Variants in ZFAT observed in about 807,000 individuals in gnomAD.
The protein encoded by ZFAT is zinc finger and AT-hook domain containing.
Under a neutral mutation model 117.7 loss-of-function variants are expected in ZFAT, and 64 were observed. The observed-to-expected ratio is 0.54, with a 90% CI of 0.44 to 0.67. The LOEUF is 0.67. ZFAT is among the 30% of genes least tolerant of loss of function. ZFAT has a pLI of 0.00. For synonymous variants in ZFAT, 679 were observed against 615.0 expected, an observed-to-expected ratio of 1.10 and a Z score of -1.54; for missense variants, 1,433 against 1,584.5, an observed-to-expected ratio of 0.90 and a Z score of 1.62.
At position 134,653,270 on chromosome 8, in the gene ZFAT, T is replaced by TTAA. The variant is rs1554615159; in HGVS notation, c.196+4290_196+4291insTTA. ...TTGGAACCAACCCAAATGTCTTTTT[T>TTAA]AAAAAAAAAAAAAAAAAAAAACAAA... On this transcript the variant is annotated intron_variant, in intron 2 of 15. Coordinates refer to ENST00000377838, the MANE Select transcript of ZFAT (RefSeq NM_020863.4). Among the ~76,000 whole-genome samples, 131 of 91,854 alleles carry TTAA rather than the reference T, an allele frequency of 1.4e-3. 10 individuals carry two copies. The highest frequency in any genetic ancestry group is 8.0e-3 in the South Asian group (19 of 2,386). 60.3% of individuals were successfully genotyped at this position (91,854 alleles called of 152,430 possible). A position where few individuals can be genotyped will look rare whatever the true frequency, so the allele number is the denominator to read the frequency against.
chr8:134,802,114 T>C, the ZFAT span, among the ~76,000 whole-genome samples: 1 of 152,176 alleles, frequency 6.6e-6, no homozygotes, highest in African/African-American at 2.4e-5. Context: ...CAGCAGTGAA[T>C]GTCAAATTAC....
chr8:134,543,527 C>T (rs1326901981), intron 11 of ZFAT, among the ~76,000 whole-genome samples: 1 of 152,250 alleles, frequency 6.6e-6, no homozygotes, highest in Non-Finnish European at 1.5e-5. Context: ...GAGGCTGTTC[C>T]TGCCCCTTAG....
the ZFAT span, among the ~76,000 whole-genome samples, chr8:134,759,542 T>C: frequency 6.6e-6 from 1 of 151,970 alleles, no homozygotes; most frequent in Non-Finnish European, 1.5e-5. Context: ...AGGATGGTGG[T>C]ATTGAAAGAG....
the ZFAT span, among the ~76,000 whole-genome samples, chr8:134,744,547 C>T: frequency 6.6e-6 from 1 of 151,932 alleles, no homozygotes; most frequent in Non-Finnish European, 1.5e-5. Context: ...CCACCTGCCC[C>T]AGCCTCCCAA....
chr8:134,775,589 G>A, the ZFAT span, among the ~76,000 whole-genome samples: 8 of 152,142 alleles, frequency 5.3e-5, no homozygotes, highest in Admixed American at 2.6e-4. Context: ...CTGATCTTTC[G>A]TGTTTCTCTT....
chr8:134,744,727 C>CATTTT, the ZFAT span, among the ~76,000 whole-genome samples: 7 of 103,520 alleles, frequency 6.8e-5, no homozygotes, highest in African/African-American at 2.7e-4. Context: ...GCCTACTCTC[C>CATTTT]TTTTTTTTTT....
intron 11 of ZFAT, among the ~76,000 whole-genome samples, chr8:134,542,714 C>G (rs573853014): frequency 4.6e-5 from 7 of 152,216 alleles, no homozygotes; most frequent in Non-Finnish European, 1.0e-4. Flanking sequence ...CCTGTCCACA[C>G]CTCTTTGTAA....
chr8:134,544,642 C>T (rs1410633461), intron 11 of ZFAT, among the ~76,000 whole-genome samples: 4 of 151,750 alleles, frequency 2.6e-5, no homozygotes, highest in Non-Finnish European at 4.4e-5. Context: ...TGAACAGATA[C>T]TTTACTAGAA....
chr8:134,571,344 G>A (rs1824884926), intron 10 of ZFAT, among the ~76,000 whole-genome samples: 1 of 152,230 alleles, frequency 6.6e-6, no homozygotes, highest in Non-Finnish European at 1.5e-5. Flanking sequence ...AGCCGCATGA[G>A]GAAGAGGTGA....
chr8:134,694,965 C>T (rs1178280932), intron 1 of ZFAT, among the ~76,000 whole-genome samples: 2 of 152,146 alleles, frequency 1.3e-5, no homozygotes, highest in African/African-American at 4.8e-5. Flanking sequence ...AAAGACATCT[C>T]CACATTGGAA....
chr8:134,757,670 G>T, the ZFAT span, among the ~76,000 whole-genome samples: 3 of 152,140 alleles, frequency 2.0e-5, no homozygotes, highest in Non-Finnish European at 4.4e-5. Flanking sequence ...GGCTTTTGCA[G>T]GGTACCAATG....
chr8:134,546,462 G>A (rs570183634), intron 11 of ZFAT, among the ~76,000 whole-genome samples: 2 of 152,306 alleles, frequency 1.3e-5, no homozygotes, highest in East Asian at 3.9e-4. Flanking sequence ...TGAGAAGTGT[G>A]TAGCTGGGCT....
the ZFAT span, among the ~76,000 whole-genome samples, chr8:134,823,732 C>A: frequency 6.6e-6 from 1 of 152,148 alleles, no homozygotes; most frequent in East Asian, 1.9e-4. Flanking sequence ...GCAGCCAAGG[C>A]TGTATAGAAT....
the ZFAT span, among the ~76,000 whole-genome samples, chr8:134,778,308 C>A: frequency 6.6e-6 from 1 of 152,188 alleles, no homozygotes; most frequent in African/African-American, 2.4e-5. Flanking sequence ...CTGGACTGTT[C>A]CCTAGGGCTA....
At chr8:134,651,341 C>T (rs1365427625) in intron 2 of ZFAT, among the ~76,000 whole-genome samples, 2 of 152,188 alleles carry the variant, frequency 1.3e-5, no homozygotes, top group African/African-American at 2.4e-5. Context: ...TGAAATATCA[C>T]TCAGCCATAA....
At chr8:134,621,416 A>G (rs1259531275) in intron 3 of ZFAT, among the ~76,000 whole-genome samples, 1 of 152,184 alleles carries the variant, frequency 6.6e-6, no homozygotes, top group Non-Finnish European at 1.5e-5. Flanking sequence ...TGTCTTGAGC[A>G]TTAACTAGCA....
intron 11 of ZFAT, among the ~76,000 whole-genome samples, chr8:134,561,170 T>C (rs755733170): frequency 2.0e-5 from 3 of 152,210 alleles, no homozygotes; most frequent in Non-Finnish European, 2.9e-5. Context: ...GACCAAACTA[T>C]CCAATTGTGA....
chr8:134,518,637 A>G lies in ZFAT; in HGVS notation c.3234+2246T>C, dbSNP rs563224585. The stretch of plus-strand genomic sequence containing the variant: ...GTTGATCTTTCTCATCACTATTTTT[A>G]TAGGCCTTTTATAAAGATATTAATT... On this transcript the variant is annotated intron_variant, in intron 13 of 15. Coordinates refer to ENST00000377838, the MANE Select transcript of ZFAT (RefSeq NM_020863.4). Among the ~76,000 whole-genome samples, 174 of 152,004 alleles carry G rather than the reference A, an allele frequency of 1.1e-3. 1 individual carries two copies. The highest frequency in any genetic ancestry group is 4.0e-3 in the African/African-American group (168 of 41,528).
At chr8:134,614,216 T>C (rs945410873) in intron 3 of ZFAT, among the ~76,000 whole-genome samples, 1 of 152,136 alleles carries the variant, frequency 6.6e-6, no homozygotes, top group African/African-American at 2.4e-5. Context: ...TCTCCCACTA[T>C]CCCTGTACCA....
Sources: allele counts gnomAD v4.1 joint callset (sites outside exome capture counted in the v4.1 genomes callset), GRCh38; gene constraint gnomAD v4.1.1; transcripts MANE v1.5; gene names NCBI Gene and HGNC (gene_info 2026-07-23, HGNC 2026-07-21).